Variants in EYS observed in about 807,000 individuals in gnomAD.
EYS encodes the protein protein eyes shut homolog.
A neutral mutation model predicts 282.1 loss-of-function variants in EYS; 250 were observed. That is an observed-to-expected ratio of 0.89 (90% CI 0.80 to 0.98). The LOEUF (loss-of-function observed/expected upper bound fraction) is 0.98. Among genes scored for constraint, EYS ranks in the 50% least tolerant of loss-of-function variants. EYS has a pLI of 0.00. For missense variants in EYS, 4,016 were observed against 3,709.0 expected (o/e 1.08, Z -2.15); for synonymous variants, 1,355 against 1,282.9 (o/e 1.06, Z -1.20).
intron 31 of EYS, among the ~76,000 whole-genome samples, chr6:64,101,691 C>G (rs1455534337): frequency 6.6e-6 from 1 of 151,968 alleles, no homozygotes; most frequent in Non-Finnish European, 1.5e-5. Flanking sequence ...AAGACATTCT[C>G]CAAAGACTGG....
At chr6:64,465,230 A>G (rs67104995) in intron 26 of EYS, among the ~76,000 whole-genome samples, 39,153 of 151,968 alleles carry the variant, frequency 0.26, 5,544 homozygotes, top group East Asian at 0.36. Flanking sequence ...CAACATCTCA[A>G]TGACATTCTA....
At chr6:65,169,286 G>A (rs910600006) in intron 12 of EYS, among the ~76,000 whole-genome samples, 1 of 151,228 alleles carries the variant, frequency 6.6e-6, no homozygotes, top group African/African-American at 2.4e-5. Context: ...AGTACCACAG[G>A]GAATACCCAA....
chr6:64,839,071 G>C (rs561540459), intron 19 of EYS, among the ~76,000 whole-genome samples: 1 of 152,044 alleles, frequency 6.6e-6, no homozygotes, highest in African/African-American at 2.4e-5. Flanking sequence ...CAGAAATTCT[G>C]TCATTATTCT....
chr6:64,344,221 T>A (rs1771269207), intron 29 of EYS, among the ~76,000 whole-genome samples: 1 of 152,108 alleles, frequency 6.6e-6, no homozygotes, highest in South Asian at 2.1e-4. Context: ...GCCAGCATCA[T>A]CCTGATACCA....
At chr6:64,444,799 T>A (rs1281989254) in intron 26 of EYS, among the ~76,000 whole-genome samples, 3 of 152,194 alleles carry the variant, frequency 2.0e-5, no homozygotes, top group African/African-American at 7.2e-5. Context: ...TTCACAGTAA[T>A]GAGTGAGTTC....
intron 1 of EYS, among the ~76,000 whole-genome samples, chr6:65,689,517 A>G (rs1172775538): frequency 1.3e-5 from 2 of 150,122 alleles, no homozygotes; most frequent in African/African-American, 4.9e-5. Context: ...TAAAACTTAA[A>G]GTATAATAAA....
At chr6:65,497,270 G>C (rs2127273951) in intron 2 of EYS, among the ~76,000 whole-genome samples, 1 of 152,104 alleles carries the variant, frequency 6.6e-6, no homozygotes, top group South Asian at 2.1e-4. Context: ...CAATGAAGGA[G>C]ACAGATCATT....
intron 5 of EYS, among the ~76,000 whole-genome samples, chr6:65,448,717 T>C (rs567974701): frequency 2.6e-5 from 4 of 152,178 alleles, no homozygotes; most frequent in African/African-American, 9.6e-5. Flanking sequence ...TTTTGACTTC[T>C]TTGAAATAAT....
chr6:65,491,888 G>GGGGT (rs1452186681), intron 4 of EYS, among the ~76,000 whole-genome samples: 1 of 151,732 alleles, frequency 6.6e-6, no homozygotes, highest in African/African-American at 2.4e-5. Flanking sequence ...TGACTGGTGT[G>GGGGT]CTTTCAAGAG....
chr6:65,571,091 GT>G (rs58185423), intron 2 of EYS, among the ~76,000 whole-genome samples: 2,493 of 152,088 alleles, frequency 0.016, 70 homozygotes, highest in African/African-American at 0.057. Flanking sequence ...AAAAACAATA[GT>G]TTTCATTCTA....
intron 24 of EYS, among the ~76,000 whole-genome samples, chr6:64,604,446 T>G (rs1766862564): frequency 6.6e-6 from 1 of 152,002 alleles, no homozygotes; most frequent in African/African-American, 2.4e-5. Flanking sequence ...TTGTATGAAG[T>G]CTGAAGAACA....
At chr6:64,403,136 A>C (rs561208406) in intron 28 of EYS, among the ~76,000 whole-genome samples, 50 of 152,256 alleles carry the variant, frequency 3.3e-4, no homozygotes, top group African/African-American at 1.2e-3. Context: ...CATTATAAGC[A>C]ATTAAGCCAC....
chr6:65,395,212 C>T (rs1402921738), intron 7 of EYS, among the ~76,000 whole-genome samples: 11 of 152,146 alleles, frequency 7.2e-5, no homozygotes, highest in South Asian at 2.1e-4. Context: ...TAAAGGCATG[C>T]GCCACCATGC....
At chr6:65,286,329 C>T (rs1382098510) in intron 12 of EYS, among the ~76,000 whole-genome samples, 2 of 151,654 alleles carry the variant, frequency 1.3e-5, no homozygotes, top group Admixed American at 1.3e-4. Flanking sequence ...TTTACAGTTA[C>T]CTTGCATTTC....
intron 30 of EYS, among the ~76,000 whole-genome samples, chr6:64,274,334 C>T (rs944224231): frequency 6.6e-6 from 1 of 152,026 alleles, no homozygotes; most frequent in Non-Finnish European, 1.5e-5. Flanking sequence ...GCCACCACGC[C>T]GGGCTAATTT....
At chr6:65,019,538 A>G (rs1041315702) in intron 13 of EYS, among the ~76,000 whole-genome samples, 6 of 152,112 alleles carry the variant, frequency 3.9e-5, no homozygotes, top group African/African-American at 1.4e-4. Flanking sequence ...ACATCACACA[A>G]CTCATAGGTT....
chr6:65,610,239 T>A (rs1457961657), intron 2 of EYS, among the ~76,000 whole-genome samples: 1 of 152,046 alleles, frequency 6.6e-6, no homozygotes, highest in East Asian at 1.9e-4. Context: ...TGGTGGTTTT[T>A]CTTTTTTGGT....
chr6:65,346,092 G>A (rs1562111336), intron 9 of EYS, among the ~76,000 whole-genome samples: 1 of 151,608 alleles, frequency 6.6e-6, no homozygotes, highest in Non-Finnish European at 1.5e-5. Flanking sequence ...AGAATCTCAG[G>A]AGCGCCTGCC....
At chr6:65,077,902 ATGC>A (rs1561954379) in intron 12 of EYS, among the ~76,000 whole-genome samples, 1 of 152,146 alleles carries the variant, frequency 6.6e-6, no homozygotes, top group East Asian at 1.9e-4. Flanking sequence ...AAAAATAAAT[ATGC>A]TTCTTCCTCA....
Sources: allele counts gnomAD v4.1 joint callset (sites outside exome capture counted in the v4.1 genomes callset), GRCh38; gene constraint gnomAD v4.1.1; transcripts MANE v1.5; gene names NCBI Gene and HGNC (gene_info 2026-07-23, HGNC 2026-07-21).